Variants in KCNIP4 observed in about 807,000 individuals in gnomAD.
KCNIP4 encodes potassium voltage-gated channel interacting protein 4.
KCNIP4 carries 12 observed loss-of-function variants against 34.0 expected under a neutral mutation model. The observed-to-expected ratio is 0.35, with a 90% CI of 0.23 to 0.57. The LOEUF is 0.57. Among genes scored for constraint, KCNIP4 ranks in the 20% least tolerant of loss-of-function variants. KCNIP4 has a pLI of 0.83. For synonymous variants in KCNIP4, 124 were observed against 102.2 expected (o/e 1.21, Z -1.29); for missense variants, 238 against 311.7 (o/e 0.76, Z 1.78).
At chr4:21,291,420 T>A (rs1170934137) in intron 1 of KCNIP4, among the ~76,000 whole-genome samples, 1 of 136,266 alleles carries the variant, frequency 7.3e-6, no homozygotes, top group Non-Finnish European at 1.6e-5. Flanking sequence ...CTGATCTTAA[T>A]AACCATTTTC....
At chr4:20,858,914 A>G (rs1489638868) in intron 2 of KCNIP4, among the ~76,000 whole-genome samples, 1 of 152,196 alleles carries the variant, frequency 6.6e-6, no homozygotes, top group Non-Finnish European at 1.5e-5. Flanking sequence ...TACAGCTTAC[A>G]AGTGACAGGG....
chr4:21,190,751 T>A (rs865965943), intron 1 of KCNIP4, among the ~76,000 whole-genome samples: 47 of 152,306 alleles, frequency 3.1e-4, no homozygotes, highest in Middle Eastern at 3.4e-3. Flanking sequence ...GAAACTCTAA[T>A]GGCCAGTAGC....
chr4:21,305,286 G>C (rs112126435), intron 1 of KCNIP4, among the ~76,000 whole-genome samples: 10 of 152,266 alleles, frequency 6.6e-5, no homozygotes, highest in South Asian at 4.1e-4. Flanking sequence ...AAACTCCAGG[G>C]ACAGACTGCT....
At chr4:20,895,539 T>G (rs1027470429) in intron 1 of KCNIP4, among the ~76,000 whole-genome samples, 1 of 152,224 alleles carries the variant, frequency 6.6e-6, no homozygotes, top group Non-Finnish European at 1.5e-5. Flanking sequence ...CATTATAATT[T>G]TTGATGTGAG....
intron 1 of KCNIP4, among the ~76,000 whole-genome samples, chr4:21,713,896 GACTTCAATC>G (rs928751309): frequency 1.9e-4 from 29 of 152,160 alleles, no homozygotes; most frequent in Admixed American, 1.8e-3. Context: ...CCCATGATTA[GACTTCAATC>G]ACTCAAAAAA....
chr4:20,791,099 A>G (rs1440670769), intron 3 of KCNIP4, among the ~76,000 whole-genome samples: 1 of 152,196 alleles, frequency 6.6e-6, no homozygotes, highest in East Asian at 1.9e-4. Flanking sequence ...GCAAACTATA[A>G]AGATGACAGT....
chr4:20,927,591 A>G (rs1234790889), intron 1 of KCNIP4, among the ~76,000 whole-genome samples: 2 of 152,190 alleles, frequency 1.3e-5, no homozygotes, highest in Admixed American at 6.5e-5. Flanking sequence ...TTCTTGATTC[A>G]ACATTAATCC....
At chr4:21,181,401 G>A (rs1754829959) in intron 1 of KCNIP4, among the ~76,000 whole-genome samples, 1 of 152,054 alleles carries the variant, frequency 6.6e-6, no homozygotes, top group Non-Finnish European at 1.5e-5. Flanking sequence ...TTTAGCTCTT[G>A]ATCACATTAC....
chr4:20,909,554 A>G (rs796661917), intron 1 of KCNIP4, among the ~76,000 whole-genome samples: 57 of 152,324 alleles, frequency 3.7e-4, no homozygotes, highest in African/African-American at 8.7e-4. Flanking sequence ...GGAGCCCACT[A>G]TGAGAGAAAC....
At chr4:21,736,692 C>G (rs537663094) in intron 1 of KCNIP4, among the ~76,000 whole-genome samples, 2 of 152,140 alleles carry the variant, frequency 1.3e-5, no homozygotes, top group African/African-American at 4.8e-5. Flanking sequence ...TGTATTTTTA[C>G]GAGCACTTTG....
chr4:21,075,493 T>C (rs1054832504), intron 1 of KCNIP4, among the ~76,000 whole-genome samples: 37 of 152,264 alleles, frequency 2.4e-4, no homozygotes, highest in African/African-American at 8.4e-4. Flanking sequence ...ATTTGCTTGG[T>C]AGATCTTCCT....
chr4:21,177,088 C>T (rs1202685585), intron 1 of KCNIP4, among the ~76,000 whole-genome samples: 3 of 152,106 alleles, frequency 2.0e-5, no homozygotes, highest in African/African-American at 7.2e-5. Flanking sequence ...GATCCCTGAA[C>T]TAGGATGACA....
rs193189287 is a variant in KCNIP4, at chr4:21,480,116, A to G, written c.61+468455T>C. On this transcript the variant is annotated intron_variant, in intron 1 of 8. Coordinates refer to ENST00000382152, the MANE Select transcript of KCNIP4 (RefSeq NM_025221.6). ...AGAAGTTTAGAAAACCTACATAAAT[A>G]CTGTATAAGAAATTTTAAAACTGGT... is the stretch of plus-strand genomic sequence containing the variant. 9.0e-4 allele frequency among the ~76,000 whole-genome samples: 137 copies of G among 151,842 alleles called. 1 individual carries two copies. Among genetic ancestry groups the G allele is most frequent in the African/African-American group, 3.2e-3 (132 of 41,572 alleles).
intron 1 of KCNIP4, among the ~76,000 whole-genome samples, chr4:21,099,045 T>C (rs1747705279): frequency 6.6e-6 from 1 of 152,210 alleles, no homozygotes; most frequent in Non-Finnish European, 1.5e-5. Context: ...TCAGCCATTG[T>C]GGAAGACAGT....
At chr4:20,760,523 A>G (rs1310826649) in intron 3 of KCNIP4, among the ~76,000 whole-genome samples, 2 of 152,172 alleles carry the variant, frequency 1.3e-5, no homozygotes, top group Non-Finnish European at 2.9e-5. Context: ...TGTTGTTTTG[A>G]AAGGTAGGAC....
chr4:21,343,758 T>C (rs1271709304), intron 1 of KCNIP4, among the ~76,000 whole-genome samples: 1 of 152,098 alleles, frequency 6.6e-6, no homozygotes, highest in African/African-American at 2.4e-5. Flanking sequence ...CCCTGTAGAT[T>C]CCGACGCAGG....
At chr4:21,480,631 C>A (rs1577433746) in intron 1 of KCNIP4, among the ~76,000 whole-genome samples, 1 of 152,044 alleles carries the variant, frequency 6.6e-6, no homozygotes, top group East Asian at 1.9e-4. Context: ...ACTTTGTATA[C>A]CTCAGCAATA....
At chr4:21,721,043 T>C (rs1410018967) in intron 1 of KCNIP4, among the ~76,000 whole-genome samples, 1 of 152,222 alleles carries the variant, frequency 6.6e-6, no homozygotes, top group Non-Finnish European at 1.5e-5. Flanking sequence ...AGTAATGGGA[T>C]GGCTGAGTCA....
At chr4:21,143,478 C>T (rs1190165174) in intron 1 of KCNIP4, among the ~76,000 whole-genome samples, 2 of 152,088 alleles carry the variant, frequency 1.3e-5, no homozygotes, top group African/African-American at 2.4e-5. Context: ...GATTCTTCCC[C>T]AGAGATTCCA....
Sources: gnomAD v4.1 joint callset for allele counts (sites outside exome capture counted in the v4.1 genomes callset) on GRCh38, gnomAD v4.1.1 for gene constraint, MANE v1.5 for transcripts, NCBI Gene and HGNC (gene_info 2026-07-23, HGNC 2026-07-21) for gene names.